Variants in PDE4DIP observed in about 807,000 individuals in gnomAD.
The protein encoded by PDE4DIP is myomegalin.
A neutral mutation model predicts 221.4 loss-of-function variants in PDE4DIP; 59 were observed. The observed-to-expected ratio is 0.27, with a 90% CI of 0.22 to 0.33. PDE4DIP has a LOEUF of 0.33. Ranked by LOEUF, PDE4DIP falls within the 10% of genes least tolerant of loss-of-function variation. The pLI, the probability that PDE4DIP is intolerant of heterozygous loss-of-function variation, is 1.00. For synonymous variants in PDE4DIP, 404 were observed against 815.9 expected (o/e 0.50, Z 8.60); for missense variants, 1,036 against 2,154.2 (o/e 0.48, Z 10.28).
At chr1:148,907,080 G>A (rs1401086009) in intron 1 of PDE4DIP, among the ~76,000 whole-genome samples, 1 of 150,408 alleles carries the variant, frequency 6.6e-6, no homozygotes, top group Non-Finnish European at 1.5e-5. Context: ...AAAAACAATA[G>A]TTACTTCTGC....
intron 23 of PDE4DIP, among the ~76,000 whole-genome samples, chr1:149,001,260 T>C (rs1381074676): frequency 2.7e-5 from 4 of 149,276 alleles, no homozygotes; most frequent in African/African-American, 9.8e-5. Context: ...TTTAACAGTG[T>C]AAGTACTCTG....
exon 13 of PDE4DIP, chr1:148,967,859 T>C: frequency 8.9e-7 from 1 of 1,120,558 alleles, no homozygotes; most frequent in Non-Finnish European, 1.4e-6. Flanking sequence ...GAGAGTATCA[T>C]TCAGCAGTTA....
At chr1:149,026,926 GA>G (rs1414637796) in intron 39 of PDE4DIP, 95 bp downstream of exon 42, 1 of 523,284 alleles carries the variant, frequency 1.9e-6, no homozygotes, top group Non-Finnish European at 3.4e-6. Flanking sequence ...TCTGTATTTA[GA>G]GAGTTTTCTC....
chr1:149,005,402 G>A, exon 27 of PDE4DIP: 1 of 1,610,004 alleles, frequency 6.2e-7, no homozygotes, highest in South Asian at 1.1e-5. Flanking sequence ...TAGAAGAGAA[G>A]CTGGCTGAGG....
intron 5 of PDE4DIP, among the ~76,000 whole-genome samples, chr1:148,959,664 CCCATATATAAATCATTGTT>C (rs2056380650): frequency 6.6e-6 from 1 of 151,774 alleles, no homozygotes; most frequent in East Asian, 1.9e-4. Context: ...ATCTTATTGT[CCCATATATAAATCATTGTT>C]CCATATATAA....
intron 5 of PDE4DIP, among the ~76,000 whole-genome samples, chr1:148,948,384 C>G: frequency 6.6e-6 from 1 of 151,034 alleles, no homozygotes. Context: ...TAAGGTGGGG[C>G]GCAGTGGAAC....
At chr1:148,983,223 G>C (rs2061393700) in intron 21 of PDE4DIP, 1 of 152,032 alleles carries the variant, frequency 6.6e-6, no homozygotes, top group Non-Finnish European at 1.5e-5. Flanking sequence ...AGACTAGTTT[G>C]TCGTGTCATT....
At chr1:148,987,859 C>T (rs2062182854) in intron 21 of PDE4DIP, among the ~76,000 whole-genome samples, 1 of 152,022 alleles carries the variant, frequency 6.6e-6, no homozygotes, top group Admixed American at 6.6e-5. Flanking sequence ...TTGAGCCCAG[C>T]AGTTCAAGAC....
chr1:148,991,603 G>C (rs1400041373), intron 21 of PDE4DIP: 1 of 968,050 alleles, frequency 1.0e-6, no homozygotes, highest in African/African-American at 1.8e-5. Flanking sequence ...ACATTCGAGT[G>C]GGGTAACCAG....
At chr1:148,927,446 G>A (rs587619464) in intron 1 of PDE4DIP, among the ~76,000 whole-genome samples, 1 of 151,920 alleles carries the variant, frequency 6.6e-6, no homozygotes, top group African/African-American at 2.4e-5. Context: ...TCTAAACTAG[G>A]TTTCTACTTT....
chr1:148,887,068 TATC>T (rs1179548516), upstream of PDE4DIP, among the ~76,000 whole-genome samples: 2 of 150,106 alleles, frequency 1.3e-5, no homozygotes, highest in African/African-American at 4.9e-5. Flanking sequence ...AAGAACAAGA[TATC>T]ATGGAGGAAA....
chr1:148,936,786 C>T (rs1267723017), intron 4 of PDE4DIP, among the ~76,000 whole-genome samples: 1 of 151,790 alleles, frequency 6.6e-6, no homozygotes, highest in South Asian at 2.1e-4. Flanking sequence ...TAGGCCTACA[C>T]AGTGTCAGGA....
At chr1:148,987,311 A>G (rs1438835034) in intron 21 of PDE4DIP, among the ~76,000 whole-genome samples, 1 of 152,166 alleles carries the variant, frequency 6.6e-6, no homozygotes, top group East Asian at 1.9e-4. Flanking sequence ...TGGAATCTTA[A>G]TAGTTTTCTT....
intron 3 of PDE4DIP, among the ~76,000 whole-genome samples, chr1:148,882,278 C>CT (rs1308126023): frequency 2.0e-5 from 3 of 148,476 alleles, no homozygotes; most frequent in African/African-American, 7.6e-5. Flanking sequence ...TTTGTGTACC[C>CT]TTCCCATAGG....
At chr1:148,961,875 A>G in exon 7 of PDE4DIP, 2 of 1,597,476 alleles carry the variant, frequency 1.3e-6, no homozygotes, top group Non-Finnish European at 1.7e-6. Flanking sequence ...GCTATGAACT[A>G]AAGTGTGCTC....
At chr1:148,827,818 CTA>C (rs1670966442) in intron 1 of PDE4DIP, among the ~76,000 whole-genome samples, 1 of 73,888 alleles carries the variant, frequency 1.4e-5, no homozygotes, top group African/African-American at 4.0e-5. Flanking sequence ...TACAACTTTA[CTA>C]TATGTTGAAA....
At chr1:149,032,681 G>T (rs1488099149) in exon 44 of PDE4DIP, 19 of 224,762 alleles carry the variant, frequency 8.5e-5, no homozygotes, top group Admixed American at 1.7e-4. Context: ...TCACTTCAAA[G>T]TTGCTGTCCC....
chr1:148,927,262 C>G (rs2046924470), intron 1 of PDE4DIP, among the ~76,000 whole-genome samples: 2 of 151,944 alleles, frequency 1.3e-5, no homozygotes, highest in African/African-American at 2.4e-5. Flanking sequence ...ATATTTTCAT[C>G]TCACTGGATC....
chr1:149,001,903 C>T, exon 24 of PDE4DIP: 10 of 1,613,864 alleles, frequency 6.2e-6, no homozygotes, highest in Non-Finnish European at 7.6e-6. Context: ...AAAGAATAAA[C>T]ACAGAACTGG....
Sources: gnomAD v4.1 joint callset for allele counts (sites outside exome capture counted in the v4.1 genomes callset) on GRCh38, gnomAD v4.1.1 for gene constraint, MANE v1.5 for transcripts, NCBI Gene and HGNC (gene_info 2026-07-23, HGNC 2026-07-21) for gene names.